TIAM2: variants seen among roughly 807,000 people sequenced by gnomAD.
The protein encoded by TIAM2 is TIAM Rac1 associated GEF 2, also known as rho guanine nucleotide exchange factor TIAM2.
In TIAM2, 80 loss-of-function variants were observed where a neutral mutation model predicts 152.9. That is an observed-to-expected ratio of 0.52 (90% CI 0.44 to 0.63). The LOEUF (loss-of-function observed/expected upper bound fraction) is 0.63. Among genes scored for constraint, TIAM2 ranks in the 30% least tolerant of loss-of-function variants. The pLI is 0.00. For missense variants in TIAM2, 1,965 were observed against 2,120.1 expected (o/e 0.93, Z 1.44); for synonymous variants, 804 against 838.0 (o/e 0.96, Z 0.70).
chr6:155,086,094 G>T (rs1451996503), intron 1 of TIAM2, among the ~76,000 whole-genome samples: 4 of 152,206 alleles, frequency 2.6e-5, no homozygotes, highest in African/African-American at 9.7e-5. Flanking sequence ...TTGCTGGATT[G>T]CAGTCCAGCT....
At chr6:155,223,559 T>TGAA (rs2032592984) in intron 15 of TIAM2, among the ~76,000 whole-genome samples, 1 of 144,522 alleles carries the variant, frequency 6.9e-6, no homozygotes, top group Non-Finnish European at 1.5e-5. Flanking sequence ...TGCACTTCAA[T>TGAA]GGATGCAAAC....
rs371739692 is a variant in TIAM2, at chr6:155,041,336, A to G, written c.-209+45844A>G. Among the ~76,000 whole-genome samples the G allele has an allele frequency of 5.2e-4, 79 of 152,242 alleles. No homozygotes were observed. The South Asian group carries it at 0.014, about 26-fold the overall frequency. ...TCTGTGGTGAATTGAAAGTTGCTCTACTTATTTTAGTCCTTGGAGAAATGA... is the reference window on the plus strand; with the variant it reads ...TCTGTGGTGAATTGAAAGTTGCTCTGCTTATTTTAGTCCTTGGAGAAATGA... On this transcript the variant is annotated intron_variant, in intron 1 of 26. Coordinates refer to ENST00000682666, the MANE Select transcript of TIAM2 (RefSeq NM_012454.4).
chr6:155,225,176 G>A (rs559652334), intron 15 of TIAM2, among the ~76,000 whole-genome samples: 8 of 152,174 alleles, frequency 5.3e-5, no homozygotes, highest in Admixed American at 2.0e-4. Flanking sequence ...GGCTTGTCTC[G>A]AACTCCTGAC....
chr6:155,179,041 G>A lies in TIAM2; in HGVS notation c.2526G>A (p.Met842Ile), dbSNP rs746519001. 2 of 1,610,122 alleles carry A rather than the reference G, an allele frequency of 1.2e-6. No homozygotes were observed. Among genetic ancestry groups the A allele is most frequent in the South Asian group, 1.1e-5 (1 of 90,322 alleles). ...VEDILTLACK[M>I]RQLEPSHYGL... is the part of the protein sequence containing the mutation. ...AATAACTGTCTTTTTCTTTATAGAT[G>A]AGGCAGTTGGAACCCAGCCATTATG... The change falls in exon 11 of 27, where the codon ATG becomes ATA. Residue 842 changes from methionine (M) to isoleucine (I), a missense_variant and splice_region_variant. Transcript: ENST00000682666.
At chr6:155,148,947 T>C (rs1779882624) in intron 7 of TIAM2, among the ~76,000 whole-genome samples, 1 of 152,162 alleles carries the variant, frequency 6.6e-6, no homozygotes, top group Non-Finnish European at 1.5e-5. Context: ...CTTAGACAAG[T>C]GTTAGTGGAA....
chr6:155,216,767 C>T (rs887165789), intron 15 of TIAM2: 11 of 352,142 alleles, frequency 3.1e-5, no homozygotes, highest in South Asian at 1.3e-4. Flanking sequence ...GCTCAGGAGA[C>T]GTGGCCCTCT....
chr6:155,060,842 C>G (rs574077428), intron 1 of TIAM2, among the ~76,000 whole-genome samples: 36 of 152,342 alleles, frequency 2.4e-4, no homozygotes, highest in African/African-American at 7.9e-4. Flanking sequence ...TTGCAGTGAG[C>G]CGAGATCGTG....
At chr6:155,132,623 C>A (rs1387907753) in intron 4 of TIAM2, among the ~76,000 whole-genome samples, 1 of 152,180 alleles carries the variant, frequency 6.6e-6, no homozygotes, top group African/African-American at 2.4e-5. Context: ...ACAACTGATC[C>A]CCACTGAGCA....
intron 2 of TIAM2, among the ~76,000 whole-genome samples, chr6:155,096,923 C>A (rs1778428136): frequency 6.6e-6 from 1 of 152,172 alleles, no homozygotes; most frequent in African/African-American, 2.4e-5. Flanking sequence ...TGAGGAAACT[C>A]CAAACCGTTC....
intron 1 of TIAM2, among the ~76,000 whole-genome samples, chr6:155,031,410 A>G (rs1366496349): frequency 6.6e-6 from 1 of 152,130 alleles, no homozygotes; most frequent in Non-Finnish European, 1.5e-5. Context: ...CAAATTGCAA[A>G]AGAGTTTTTG....
At chr6:155,133,948 C>T (rs1218476985) in intron 4 of TIAM2, among the ~76,000 whole-genome samples, 4 of 152,146 alleles carry the variant, frequency 2.6e-5, no homozygotes, top group South Asian at 4.1e-4. Flanking sequence ...AACTCCCGAC[C>T]TCAGGTGATC....
At chr6:155,171,115 A>G (rs1780576662) in intron 9 of TIAM2, among the ~76,000 whole-genome samples, 1 of 152,244 alleles carries the variant, frequency 6.6e-6, no homozygotes, top group South Asian at 2.1e-4. Flanking sequence ...GCCCATTTCT[A>G]TAACACAGAA....
At chr6:155,123,943 A>G (rs932006164) in intron 2 of TIAM2, among the ~76,000 whole-genome samples, 1 of 152,222 alleles carries the variant, frequency 6.6e-6, no homozygotes, top group Non-Finnish European at 1.5e-5. Context: ...CCCTCAGTTA[A>G]AAAATGAAAG....
rs1202423580 is a variant in TIAM2 at position 155,218,431 on chromosome 6, A to C, written c.3168+7124A>C. On this transcript the variant is annotated intron_variant, in intron 15 of 26. Coordinates refer to ENST00000682666, the MANE Select transcript of TIAM2 (RefSeq NM_012454.4). This position sits in a 1 kb window ranked among gnomAD's most constrained non-coding sequence, Gnocchi z 4.5. ...TGGAAAGAACTCGACCTGATGCTTA[A>C]ACCTGAATTTGTATTCCCATCCACC... Among the ~76,000 whole-genome samples the C allele has an allele frequency of 6.6e-6, 1 of 152,184 alleles. No individual in the cohort carries two copies. Among genetic ancestry groups the C allele is most frequent in the Non-Finnish European group, 1.5e-5 (1 of 68,028 alleles).
At chr6:155,229,144 C>G (rs1782360178) in intron 15 of TIAM2, among the ~76,000 whole-genome samples, 1 of 152,212 alleles carries the variant, frequency 6.6e-6, no homozygotes, top group Non-Finnish European at 1.5e-5. Flanking sequence ...CTTCCCATAG[C>G]CCTCGCCACT....
intron 1 of TIAM2, among the ~76,000 whole-genome samples, chr6:155,064,976 A>G (rs1777658552): frequency 8.0e-6 from 1 of 125,148 alleles, no homozygotes; most frequent in Non-Finnish European, 1.8e-5. Context: ...GTCATTGTTG[A>G]GATAGTCTTG....
Position 155,028,864 on chromosome 6 carries a change from A to G in TIAM2, c.-209+33372A>G, listed in dbSNP as rs964916770. Among the ~76,000 whole-genome samples, 9 of 125,098 alleles carry G rather than the reference A, an allele frequency of 7.2e-5. 3 individuals are homozygous for G. Among genetic ancestry groups the G allele is most frequent in the African/African-American group, 2.7e-4 (9 of 32,954 alleles). 82.1% of individuals were successfully genotyped at this position (125,098 alleles called of 152,430 possible). On this transcript the variant is annotated intron_variant, in intron 1 of 26. Transcript: ENST00000682666. ...ACTATGTTATATATACACTGTATAT[A>G]CTATCTATACTATGTTATATATACA...
intron 1 of TIAM2, among the ~76,000 whole-genome samples, chr6:155,011,239 AGG>A (rs1778485130): frequency 6.6e-6 from 1 of 152,046 alleles, no homozygotes; most frequent in Non-Finnish European, 1.5e-5. Flanking sequence ...TCAGGAGTGG[AGG>A]GGTAGTTATG....
intron 20 of TIAM2, 140 bp downstream of exon 20, chr6:155,248,319 T>A (rs1173773385): frequency 1.0e-6 from 1 of 995,752 alleles, no homozygotes; most frequent in East Asian, 2.6e-5. Context: ...CGATGGTTAA[T>A]CTTAGGTTTC....
Sources: allele counts gnomAD v4.1 joint callset (sites outside exome capture counted in the v4.1 genomes callset), GRCh38; gene constraint gnomAD v4.1.1; non-coding constraint Gnocchi (gnomAD v3.1); transcripts MANE v1.5; gene names NCBI Gene and HGNC (gene_info 2026-07-23, HGNC 2026-07-21).